The following HTR2C variants were observed in gnomAD, a reference collection of about 807,000 sequenced individuals.
HTR2C encodes the protein 5-hydroxytryptamine (serotonin) receptor 2C, G protein-coupled.
HTR2C carries 5 observed loss-of-function variants against 21.0 expected under a neutral mutation model. The observed-to-expected ratio is 0.24, with a 90% CI of 0.12 to 0.50. The LOEUF (loss-of-function observed/expected upper bound fraction) is 0.50, where lower values mean the gene tolerates loss of function less well. Among genes scored for constraint, HTR2C ranks in the 20% least tolerant of loss-of-function variants. The pLI is 0.98. For synonymous variants in HTR2C, 150 were observed against 145.3 expected (o/e 1.03, Z -0.23); for missense variants, 271 against 371.2 (o/e 0.73, Z 2.22).
intron 2 of HTR2C, among the ~76,000 whole-genome samples, chrX:114,615,541 G>A (rs952628415): frequency 1.1e-4 from 12 of 111,776 alleles, no homozygotes; most frequent in Non-Finnish European, 9.4e-5. Flanking sequence ...TGGACATGCA[G>A]GTAAGTTTCT....
intron 4 of HTR2C, among the ~76,000 whole-genome samples, chrX:114,768,408 A>G (rs1395854594): frequency 9.0e-6 from 1 of 111,034 alleles, no homozygotes; most frequent in Non-Finnish European, 1.9e-5. Flanking sequence ...ATTAAACCAA[A>G]CCCCTATTTA....
chrX:114,681,265 A>G (rs1215413422), intron 2 of HTR2C, among the ~76,000 whole-genome samples: 1 of 111,655 alleles, frequency 9.0e-6, no homozygotes, highest in Non-Finnish European at 1.9e-5. Context: ...TATTCTGGGT[A>G]AGATTACTAT....
At chrX:114,856,872 CACCATT>C (rs1310260050) in intron 5 of HTR2C, among the ~76,000 whole-genome samples, 3 of 111,117 alleles carry the variant, frequency 2.7e-5, no homozygotes, top group African/African-American at 9.8e-5. Context: ...CAGTTTCACC[CACCATT>C]ACATTGGCAT....
At chrX:114,663,160 T>G (rs184039168) in intron 2 of HTR2C, among the ~76,000 whole-genome samples, 110 of 110,877 alleles carry the variant, frequency 9.9e-4, no homozygotes, top group Non-Finnish European at 1.8e-3. Context: ...ACCTCTTTTT[T>G]TTTGTTTGTT....
At chrX:114,744,539 G>C (rs931153520) in intron 4 of HTR2C, among the ~76,000 whole-genome samples, 6 of 105,662 alleles carry the variant, frequency 5.7e-5, no homozygotes, top group African/African-American at 2.1e-4. Context: ...TGCAAGCTCT[G>C]CCTCCCAGGT....
intron 3 of HTR2C, among the ~76,000 whole-genome samples, chrX:114,727,578 T>C (rs782313115): frequency 1.8e-5 from 2 of 112,201 alleles, no homozygotes; most frequent in East Asian, 2.8e-4. Flanking sequence ...AGAAAAATGT[T>C]GGTTTCTTCC....
chrX:114,660,857 C>A (rs1930959269), intron 2 of HTR2C, among the ~76,000 whole-genome samples: 1 of 111,882 alleles, frequency 8.9e-6, no homozygotes, highest in African/African-American at 3.2e-5. Context: ...ACGTTTGTGG[C>A]CTCTAAACCG....
Position 114,640,998 on chromosome X carries a change from T to G in HTR2C, c.-80+27117T>G, listed in dbSNP as rs782529137. ...TCTTTTTTCTTTCTTTCCTTCTTTCTTTCTCTCTTTCCTTCTCCTTTCTTT... is the reference window on the plus strand; with the variant it reads ...TCTTTTTTCTTTCTTTCCTTCTTTCGTTCTCTCTTTCCTTCTCCTTTCTTT... On this transcript the variant is annotated intron_variant, in intron 2 of 5. Coordinates refer to ENST00000276198, the MANE Select transcript of HTR2C (RefSeq NM_000868.4). 9.6e-5 allele frequency among the ~76,000 whole-genome samples: 9 copies of G among 94,014 alleles called. No homozygotes were observed. The Admixed American group carries it at 1.0e-3, about 11-fold the overall frequency. The allele number at this position is 94,014 out of a possible 115,157, so 81.6% of individuals were successfully genotyped here.
At chrX:114,712,673 T>C (rs782353764) in intron 2 of HTR2C, among the ~76,000 whole-genome samples, 27 of 111,615 alleles carry the variant, frequency 2.4e-4, no homozygotes, top group Admixed American at 4.8e-4. Flanking sequence ...CAGGGAGAGC[T>C]TAGATGAGAG....
At chrX:114,749,800 A>T (rs1177178068) in intron 4 of HTR2C, among the ~76,000 whole-genome samples, 1 of 112,337 alleles carries the variant, frequency 8.9e-6, no homozygotes, top group Non-Finnish European at 1.9e-5. Flanking sequence ...ATAAAAAATC[A>T]TTGCTAGTCT....
intron 5 of HTR2C, chrX:114,900,430 C>T: frequency 4.5e-6 from 1 of 224,435 alleles, no homozygotes; most frequent in Non-Finnish European, 8.5e-6. Flanking sequence ...GCTTTGATGA[C>T]ACATAATCAA....
chrX:114,830,790 C>T (rs2070717212), intron 4 of HTR2C, among the ~76,000 whole-genome samples: 1 of 97,086 alleles, frequency 1.0e-5, no homozygotes, highest in East Asian at 3.5e-4. Context: ...TGGTGCGCTG[C>T]ACCCACTAAC....
At chrX:114,826,573 T>G (rs61175646) in intron 4 of HTR2C, among the ~76,000 whole-genome samples, 4,457 of 111,956 alleles carry the variant, frequency 0.04, 223 homozygotes, top group African/African-American at 0.13. Context: ...TGTCTTATTA[T>G]GTATATGCAA....
intron 2 of HTR2C, among the ~76,000 whole-genome samples, chrX:114,716,238 T>C (rs111743411): frequency 2.7e-5 from 3 of 112,999 alleles, no homozygotes; most frequent in African/African-American, 9.6e-5. Flanking sequence ...TAGAGTGATT[T>C]GCAATAGCTA....
chrX:114,609,521 G>A (rs1274365747), intron 1 of HTR2C, among the ~76,000 whole-genome samples: 1 of 111,151 alleles, frequency 9.0e-6, no homozygotes, highest in Non-Finnish European at 1.9e-5. Flanking sequence ...GGTTGACCAC[G>A]TTCGGTTGGA....
chrX:114,748,246 C>T (rs1428039881), intron 4 of HTR2C, among the ~76,000 whole-genome samples: 1 of 111,637 alleles, frequency 9.0e-6, no homozygotes, highest in Admixed American at 9.6e-5. Context: ...CTTCAAAATA[C>T]TGATGAAATA....
chrX:114,726,178 A>G (rs1388202264), intron 2 of HTR2C, among the ~76,000 whole-genome samples: 8 of 112,467 alleles, frequency 7.1e-5, no homozygotes, highest in African/African-American at 9.7e-5. Context: ...CTCCGTGGGC[A>G]TAGGACCCTC....
chrX:114,890,020 G>C (rs1351780150), intron 5 of HTR2C, among the ~76,000 whole-genome samples: 1 of 111,729 alleles, frequency 9.0e-6, no homozygotes, highest in Non-Finnish European at 1.9e-5. Flanking sequence ...TGCTTTTATA[G>C]AGAGGCAAAT....
chrX:114,815,339 C>T (rs1019887512), intron 4 of HTR2C, among the ~76,000 whole-genome samples: 5 of 111,035 alleles, frequency 4.5e-5, no homozygotes, highest in Non-Finnish European at 7.6e-5. Context: ...AACCCCAGGC[C>T]ACAACTAAAA....
Sources: allele counts gnomAD v4.1 joint callset (sites outside exome capture counted in the v4.1 genomes callset), GRCh38; gene constraint gnomAD v4.1.1; transcripts MANE v1.5; gene names NCBI Gene and HGNC (gene_info 2026-07-23, HGNC 2026-07-21).